Variants in ETFB observed in about 807,000 individuals in gnomAD.
The protein encoded by ETFB is electron transfer flavoprotein subunit beta.
ETFB carries 20 observed loss-of-function variants against 25.6 expected under a neutral mutation model. The observed-to-expected ratio is 0.78, with a 90% confidence interval of 0.55 to 1.14. The LOEUF is 1.14. ETFB is among the 50% of genes most tolerant of loss of function. The probability of loss-of-function intolerance (pLI) is 0.00; values close to 1 mark genes in which losing one functional copy is unlikely to be tolerated. For missense variants in ETFB, 286 were observed against 342.6 expected (o/e 0.83, Z 1.30); for synonymous variants, 142 against 146.7 (o/e 0.97, Z 0.23).
At chr19:51,358,382 T>C (rs1204964783) in intron 1 of ETFB, among the ~76,000 whole-genome samples, 1 of 152,140 alleles carries the variant, frequency 6.6e-6, no homozygotes, top group Non-Finnish European at 1.5e-5. Context: ...GATGGAGGAC[T>C]GAGACCGGGC....
At chr19:51,350,703 T>C (rs1267280301) in intron 3 of ETFB, among the ~76,000 whole-genome samples, 1 of 152,120 alleles carries the variant, frequency 6.6e-6, no homozygotes, top group Non-Finnish European at 1.5e-5. Context: ...CAGGCTGGTC[T>C]TGAACTGCTG....
rs770665020 is a variant in ETFB at position 51,353,271 on chromosome 19, A to G, written c.236T>C (p.Leu79Pro). 3 of 1,614,078 alleles carry G rather than the reference A, an allele frequency of 1.9e-6. No homozygotes were observed. The highest frequency in any genetic ancestry group is 1.1e-5 in the South Asian group (1 of 91,088). ...GATACCTCGGTCTGCACCCATGGCC[A>G]GGGCGGTACGAATCGTCTCCTGCCA... ...AQCQETIRTA[L>P]AMGADRGIHV... Residue 79 changes from leucine (L) to proline (P), a missense_variant, in exon 3 of 6, where the codon CTG becomes CCG. By Grantham distance (98) the Leu-to-Pro change is moderately conservative (BLOSUM62 -3). Coordinates refer to ENST00000309244, the MANE Select transcript of ETFB (RefSeq NM_001985.3).
intron 4 of ETFB, among the ~76,000 whole-genome samples, chr19:51,349,169 G>T (rs59890391): frequency 0.47 from 71,541 of 151,978 alleles, 17,356 homozygotes; most frequent in African/African-American, 0.51. Context: ...GTTAAGTGTT[G>T]TGACATGTTT....
At chr19:51,354,789 T>C (rs1986036399) in intron 1 of ETFB, 2 of 818,088 alleles carry the variant, frequency 2.4e-6, no homozygotes, top group South Asian at 1.6e-5. Flanking sequence ...CAGGCAACAA[T>C]AGAGCAGCCT....
intron 1 of ETFB, among the ~76,000 whole-genome samples, chr19:51,360,019 G>GA (rs375911822): frequency 1.9e-4 from 27 of 140,620 alleles, no homozygotes; most frequent in African/African-American, 3.4e-4. Context: ...GTCTCAAAAA[G>GA]AAAAAAAAAA....
chr19:51,350,990 A>G (rs965256084), intron 3 of ETFB, among the ~76,000 whole-genome samples: 1 of 152,242 alleles, frequency 6.6e-6, no homozygotes, highest in African/African-American at 2.4e-5. Flanking sequence ...GTCTAGAACG[A>G]TCCCCTCACT....
intron 5 of ETFB, 172 bp from the exon 6 acceptor site, chr19:51,345,553 A>G (rs1436069283): frequency 7.2e-6 from 5 of 690,292 alleles, no homozygotes; most frequent in Non-Finnish European, 1.3e-5. Flanking sequence ...TGGTGTGGAC[A>G]ACTCCTGCTG....
intron 1 of ETFB, chr19:51,355,673 T>A (rs1192439575): frequency 6.6e-6 from 1 of 151,884 alleles, no homozygotes; most frequent in Non-Finnish European, 1.5e-5. Context: ...TTCACAATAG[T>A]AAAGACTTGG....
intron 3 of ETFB, among the ~76,000 whole-genome samples, chr19:51,351,736 T>A (rs1348040708): frequency 6.6e-6 from 1 of 152,190 alleles, no homozygotes; most frequent in East Asian, 1.9e-4. Flanking sequence ...CTTCTGACTT[T>A]CTCAGGGCTG....
chr19:51,358,596 C>G (rs1986138765), intron 1 of ETFB, among the ~76,000 whole-genome samples: 1 of 152,100 alleles, frequency 6.6e-6, no homozygotes, highest in African/African-American at 2.4e-5. Context: ...GTCAAGAGTT[C>G]AAGACCAGCC....
At chr19:51,366,188 GA>G in intron 1 of ETFB, 81 bp downstream of exon 1, 1 of 1,359,466 alleles carries the variant, frequency 7.4e-7, no homozygotes, top group Non-Finnish European at 1.1e-6. Flanking sequence ...GTTACGAGAA[GA>G]CCCCCACCCA....
chr19:51,345,425 C>A (rs751452511), intron 5 of ETFB, 44 bp from the exon 6 acceptor site: 23 of 1,598,876 alleles, frequency 1.4e-5, no homozygotes, highest in East Asian at 2.2e-5. Context: ...GGAACTCCTG[C>A]CACCCTTCCT....
chr19:51,354,606 A>G (rs1487492744), intron 1 of ETFB: 1 of 1,612,432 alleles, frequency 6.2e-7, no homozygotes, highest in African/African-American at 1.4e-5. Flanking sequence ...TCAAATTTAC[A>G]GTATTTATGG....
chr19:51,349,454 TTTTTTTC>T (rs1011789889), intron 4 of ETFB, among the ~76,000 whole-genome samples: 1 of 149,956 alleles, frequency 6.7e-6, no homozygotes, highest in African/African-American at 2.4e-5. Context: ...CTTCTTTTTT[TTTTTTTC>T]TTTTGAGACA....
chr19:51,346,670 C>T, intron 5 of ETFB: 1 of 562,902 alleles, frequency 1.8e-6, no homozygotes, highest in South Asian at 2.1e-5. Context: ...TTCTACTGGC[C>T]TAGATACCAG....
At chr19:51,351,700 T>C (rs1261909458) in intron 3 of ETFB, among the ~76,000 whole-genome samples, 6 of 152,238 alleles carry the variant, frequency 3.9e-5, no homozygotes, top group African/African-American at 1.4e-4. Context: ...CTGATGCCCC[T>C]GCTGTTGATA....
chr19:51,354,121 T>C (rs1986009709), intron 2 of ETFB, 29 bp downstream of exon 2: 1 of 1,608,466 alleles, frequency 6.2e-7, no homozygotes, highest in African/African-American at 1.3e-5. Flanking sequence ...GACCCAGGAG[T>C]CCAGCCCCCT....
chr19:51,346,882 C>T lies in ETFB; in HGVS notation c.597+18G>A, dbSNP rs779219995. On this transcript the variant is annotated intron_variant, in intron 5 of 5. Transcript: ENST00000309244. Reference sequence around the variant, plus strand: ...TTGCCACCCCCAGGCCCTCAGTGCCCGCTGGCCAGGGGCTCACCATGATGT... The same window carrying T: ...TTGCCACCCCCAGGCCCTCAGTGCCTGCTGGCCAGGGGCTCACCATGATGT... 12 of 1,545,932 alleles carry T rather than the reference C, an allele frequency of 7.8e-6. No individual in the cohort carries two copies. The East Asian group carries it at 1.5e-4, about 19-fold the overall frequency.
intron 2 of ETFB, 137 bp from the exon 3 acceptor site, chr19:51,353,427 C>A (rs1415527493): frequency 3.0e-6 from 2 of 660,256 alleles, no homozygotes; most frequent in Non-Finnish European, 5.3e-6. Context: ...GTCCAGGCCC[C>A]CATCCCCTCC....
Sources: allele counts gnomAD v4.1 joint callset (sites outside exome capture counted in the v4.1 genomes callset), GRCh38; gene constraint gnomAD v4.1.1; transcripts MANE v1.5; gene names NCBI Gene and HGNC (gene_info 2026-07-23, HGNC 2026-07-21).